CPED1: variants seen among roughly 807,000 people sequenced by gnomAD.
CPED1 encodes the protein cadherin-like and PC-esterase domain-containing protein 1.
In CPED1, 114 loss-of-function variants were observed where a neutral mutation model predicts 128.2. The ratio of observed to expected loss-of-function variants is 0.89; its 90% confidence interval spans 0.76 to 1.04. CPED1 has a LOEUF of 1.04. Among genes scored for constraint, CPED1 ranks in the 50% least tolerant of loss-of-function variants. The pLI is 0.00. For synonymous variants in CPED1, 462 were observed against 426.7 expected (o/e 1.08, Z -1.02); for missense variants, 1,211 against 1,207.1 (o/e 1.00, Z -0.05).
At chr7:121,017,651 A>G (rs1033403967) in intron 3 of CPED1, among the ~76,000 whole-genome samples, 1 of 152,160 alleles carries the variant, frequency 6.6e-6, no homozygotes, top group Non-Finnish European at 1.5e-5. Flanking sequence ...TATGGGCACA[A>G]CATGGATTAT....
At chr7:121,139,481 G>A (rs1404194512) in intron 14 of CPED1, among the ~76,000 whole-genome samples, 1 of 151,714 alleles carries the variant, frequency 6.6e-6, no homozygotes, top group African/African-American at 2.4e-5. Context: ...CATCCATATG[G>A]GTTGGTGGTA....
At chr7:121,280,171 C>T (rs1792430208) in intron 22 of CPED1, among the ~76,000 whole-genome samples, 1 of 152,134 alleles carries the variant, frequency 6.6e-6, no homozygotes, top group African/African-American at 2.4e-5. Context: ...CCAAGATGCA[C>T]ATCTAAATAG....
At chr7:121,196,454 T>A (rs1287066291) in intron 16 of CPED1, among the ~76,000 whole-genome samples, 1 of 152,120 alleles carries the variant, frequency 6.6e-6, no homozygotes, top group Non-Finnish European at 1.5e-5. Context: ...CTTCTCTGAT[T>A]AAAGCAGCAA....
intron 4 of CPED1, among the ~76,000 whole-genome samples, chr7:121,058,221 A>T (rs866483938): frequency 4.7e-4 from 71 of 152,272 alleles, no homozygotes; most frequent in African/African-American, 1.5e-3. Context: ...GTGGAGAGTA[A>T]TTGGATGATT....
chr7:121,125,999 A>G (rs1490865516), intron 9 of CPED1, 107 bp downstream of exon 9: 2 of 803,836 alleles, frequency 2.5e-6, no homozygotes, highest in African/African-American at 3.4e-5. Flanking sequence ...AATAAATAGC[A>G]ATTTGCAAAA....
rs569749246 is a variant in CPED1, at chr7:121,121,641, A to G, written c.919-2690A>G. ...AAAAACATTGATTGGAAGTGTTGAT[A>G]AGGAGAGGAAGAAGTCTCCTTAATA... is the stretch of plus-strand genomic sequence containing the variant. On this transcript the variant is annotated intron_variant, in intron 7 of 22. Transcript: ENST00000310396. Among the ~76,000 whole-genome samples, 90 of 152,328 alleles carry G rather than the reference A, an allele frequency of 5.9e-4. No homozygotes were observed. The South Asian group carries it at 0.018, about 31-fold the overall frequency.
chr7:120,990,902 G>C (rs571734491), intron 2 of CPED1, among the ~76,000 whole-genome samples: 1 of 152,126 alleles, frequency 6.6e-6, no homozygotes, highest in Admixed American at 6.5e-5. Context: ...TATTTATTTC[G>C]TTTCAGACTA....
intron 21 of CPED1, among the ~76,000 whole-genome samples, chr7:121,268,875 C>T (rs777879877): frequency 3.3e-5 from 5 of 151,990 alleles, no homozygotes; most frequent in Non-Finnish European, 7.4e-5. Flanking sequence ...CCTCTTGACA[C>T]ACTAGACTGG....
intron 5 of CPED1, among the ~76,000 whole-genome samples, chr7:121,091,175 GA>G (rs60707894): frequency 5.4e-5 from 8 of 149,414 alleles, no homozygotes; most frequent in Admixed American, 1.3e-4. Flanking sequence ...TGCAGTAACT[GA>G]AAAAAAAAAT....
chr7:121,291,640 A>T (rs1792704942), intron 22 of CPED1, among the ~76,000 whole-genome samples: 1 of 152,206 alleles, frequency 6.6e-6, no homozygotes, highest in East Asian at 1.9e-4. Context: ...TGATTTTTGC[A>T]CATTGATCTT....
intron 4 of CPED1, among the ~76,000 whole-genome samples, chr7:121,052,556 G>T (rs1436576575): frequency 6.6e-6 from 1 of 152,144 alleles, no homozygotes; most frequent in Non-Finnish European, 1.5e-5. Context: ...CTTTATGATT[G>T]CGTGAGTCAC....
At chr7:121,198,887 C>G (rs1360511239) in intron 16 of CPED1, among the ~76,000 whole-genome samples, 1 of 152,124 alleles carries the variant, frequency 6.6e-6, no homozygotes, top group Non-Finnish European at 1.5e-5. Flanking sequence ...GGAAGATTCC[C>G]TCTGAAGCAA....
chr7:120,995,563 GCTAC>G (rs1236332303), intron 2 of CPED1, among the ~76,000 whole-genome samples: 1 of 151,948 alleles, frequency 6.6e-6, no homozygotes, highest in Non-Finnish European at 1.5e-5. Flanking sequence ...TCAAATTCCT[GCTAC>G]CTTTTTCTAG....
intron 4 of CPED1, among the ~76,000 whole-genome samples, chr7:121,058,499 C>T (rs1192023257): frequency 6.6e-6 from 1 of 152,146 alleles, no homozygotes; most frequent in Non-Finnish European, 1.5e-5. Flanking sequence ...TTGCCAGGCA[C>T]CATCCCAAGT....
At chr7:121,120,317 GT>G (rs1373903892) in intron 7 of CPED1, among the ~76,000 whole-genome samples, 1 of 152,092 alleles carries the variant, frequency 6.6e-6, no homozygotes, top group Non-Finnish European at 1.5e-5. Flanking sequence ...ATTATTTTCT[GT>G]TTTGTTTTTG....
intron 22 of CPED1, among the ~76,000 whole-genome samples, chr7:121,281,285 C>T (rs1792457863): frequency 6.6e-6 from 1 of 152,164 alleles, no homozygotes; most frequent in South Asian, 2.1e-4. Flanking sequence ...TATGGCAATA[C>T]ACACGTTCTG....
chr7:120,996,073 G>A (rs1170389619), intron 2 of CPED1, among the ~76,000 whole-genome samples: 11 of 151,828 alleles, frequency 7.2e-5, no homozygotes, highest in Admixed American at 6.6e-5. Flanking sequence ...AAGTCCAGGA[G>A]TTCAAGACCA....
At chr7:121,105,782 T>C (rs1794960254) in intron 7 of CPED1, among the ~76,000 whole-genome samples, 1 of 152,278 alleles carries the variant, frequency 6.6e-6, no homozygotes, top group African/African-American at 2.4e-5. Flanking sequence ...ATAGCAACTT[T>C]GTGTCTTTTT....
intron 4 of CPED1, among the ~76,000 whole-genome samples, chr7:121,060,279 C>T (rs569544928): frequency 2.0e-5 from 3 of 152,224 alleles, no homozygotes; most frequent in East Asian, 1.9e-4. Context: ...CCTTGCTCCA[C>T]GGCGCCCAGT....
Sources: gnomAD v4.1 joint callset for allele counts (sites outside exome capture counted in the v4.1 genomes callset) on GRCh38, gnomAD v4.1.1 for gene constraint, MANE v1.5 for transcripts, NCBI Gene and HGNC (gene_info 2026-07-23, HGNC 2026-07-21) for gene names.